GALNT13: variants seen among roughly 807,000 people sequenced by gnomAD.
The protein encoded by GALNT13 is UDP-GalNAc:polypeptide N-acetylgalactosaminyltransferase 13.
A neutral mutation model predicts 64.2 loss-of-function variants in GALNT13; 28 were observed. That is an observed-to-expected ratio of 0.44 (90% CI 0.32 to 0.60). The LOEUF is 0.60. Ranked by LOEUF, GALNT13 falls within the 20% of genes least tolerant of loss-of-function variation. The probability of loss-of-function intolerance (pLI) is 0.05; values close to 1 mark genes in which losing one functional copy is unlikely to be tolerated. For synonymous variants in GALNT13, 214 were observed against 224.6 expected, an observed-to-expected ratio of 0.95 and a Z score of 0.42; for missense variants, 577 against 669.8, an observed-to-expected ratio of 0.86 and a Z score of 1.53.
chr2:153,525,296 TC>T, the GALNT13 span, among the ~76,000 whole-genome samples: 1 of 152,154 alleles, frequency 6.6e-6, no homozygotes, highest in Non-Finnish European at 1.5e-5. Flanking sequence ...CTTACTGGCT[TC>T]AGGTGAGACT....
At chr2:153,246,135 A>T in the GALNT13 span, among the ~76,000 whole-genome samples, 12 of 152,300 alleles carry the variant, frequency 7.9e-5, no homozygotes, top group Admixed American at 7.8e-4. Context: ...GCCTCCAAGA[A>T]ATATGGGACT....
chr2:153,530,622 A>T, the GALNT13 span, among the ~76,000 whole-genome samples: 1 of 152,140 alleles, frequency 6.6e-6, no homozygotes, highest in Non-Finnish European at 1.5e-5. Flanking sequence ...TTCAAATTAT[A>T]CTATGGAGTT....
At chr2:153,936,907 C>T (rs1036601908) in intron 2 of GALNT13, among the ~76,000 whole-genome samples, 10 of 151,660 alleles carry the variant, frequency 6.6e-5, no homozygotes, top group Admixed American at 3.3e-4. Context: ...TTTGTAGAGA[C>T]GGGGTTTCAC....
At chr2:153,761,312 T>C in the GALNT13 span, 1 of 152,184 alleles carries the variant, frequency 6.6e-6, no homozygotes, top group East Asian at 1.9e-4. Context: ...TTACTTATTA[T>C]TTAATTTTAA....
chr2:153,719,120 G>A, the GALNT13 span, among the ~76,000 whole-genome samples: 2 of 152,048 alleles, frequency 1.3e-5, no homozygotes, highest in African/African-American at 4.8e-5. Flanking sequence ...CATATTTAAT[G>A]TTGATACTGT....
intron 8 of GALNT13, among the ~76,000 whole-genome samples, chr2:154,277,684 C>T (rs956275403): frequency 4.6e-5 from 7 of 152,072 alleles, no homozygotes; most frequent in Non-Finnish European, 8.8e-5. Context: ...AGTACCAATA[C>T]GTAATTACTA....
At chr2:153,179,203 T>C in the GALNT13 span, among the ~76,000 whole-genome samples, 2 of 152,206 alleles carry the variant, frequency 1.3e-5, no homozygotes, top group East Asian at 3.8e-4. Context: ...CCACATTGAC[T>C]TGATTTAAGT....
chr2:153,994,119 A>G (rs1444122910), intron 3 of GALNT13, among the ~76,000 whole-genome samples: 1 of 151,866 alleles, frequency 6.6e-6, no homozygotes, highest in Non-Finnish European at 1.5e-5. Flanking sequence ...CCTGTGTCCA[A>G]GTGTTCTCAT....
chr2:153,719,614 C>A, the GALNT13 span, among the ~76,000 whole-genome samples: 2 of 152,110 alleles, frequency 1.3e-5, no homozygotes, highest in African/African-American at 4.8e-5. Flanking sequence ...GCACCGTGCA[C>A]GAGCCGAAGC....
chr2:153,533,729 T>TTC, the GALNT13 span, among the ~76,000 whole-genome samples: 3 of 103,856 alleles, frequency 2.9e-5, no homozygotes, highest in African/African-American at 1.1e-4. Context: ...TTTTCTTTTT[T>TTC]TTTTTTTTTT....
rs374580860 is a variant in GALNT13 at position 154,036,881 on chromosome 2, T to C, written c.142+92242T>C. 3.6e-4 allele frequency among the ~76,000 whole-genome samples: 55 copies of C among 152,238 alleles called. 1 individual carries two copies. In the South Asian group the frequency reaches 0.011, roughly 32 times the overall value. The stretch of plus-strand genomic sequence containing the variant: ...CCAAGGAATTCTGATTAAAAATTTA[T>C]TGTATGTACATTGGATATCTGTATT... On this transcript the variant is annotated intron_variant, in intron 3 of 12. Coordinates refer to ENST00000392825, the MANE Select transcript of GALNT13 (RefSeq NM_052917.4).
At chr2:153,879,388 G>T (rs189925208) in intron 1 of GALNT13, among the ~76,000 whole-genome samples, 77 of 151,952 alleles carry the variant, frequency 5.1e-4, no homozygotes, top group African/African-American at 1.8e-3. Context: ...GTGTGCATGT[G>T]TGTGTGTGTT....
intron 2 of GALNT13, among the ~76,000 whole-genome samples, chr2:153,923,710 GC>G (rs1426622306): frequency 8.5e-6 from 1 of 117,678 alleles, no homozygotes; most frequent in Non-Finnish European, 1.7e-5. Flanking sequence ...CCCACAACAG[GC>G]CCCCATGTGT....
chr2:153,378,977 T>C, the GALNT13 span, among the ~76,000 whole-genome samples: 1 of 152,094 alleles, frequency 6.6e-6, no homozygotes, highest in East Asian at 1.9e-4. Context: ...CCATATTCCC[T>C]CAAGGGCTCA....
At chr2:154,313,244 ATG>A (rs1284803112) in intron 9 of GALNT13, among the ~76,000 whole-genome samples, 1 of 148,612 alleles carries the variant, frequency 6.7e-6, no homozygotes, top group Non-Finnish European at 1.5e-5. Flanking sequence ...ATTTATGCAT[ATG>A]TATATATATA....
At chr2:153,462,377 G>T in the GALNT13 span, among the ~76,000 whole-genome samples, 10 of 151,970 alleles carry the variant, frequency 6.6e-5, no homozygotes, top group African/African-American at 2.4e-4. Context: ...TAAATAAAAA[G>T]AATATTGTCC....
chr2:153,544,422 C>T, the GALNT13 span, among the ~76,000 whole-genome samples: 1 of 152,160 alleles, frequency 6.6e-6, no homozygotes, highest in Admixed American at 6.5e-5. Context: ...GATCATAATA[C>T]AAGCATTGCA....
chr2:153,835,008 C>T, the GALNT13 span, among the ~76,000 whole-genome samples: 184 of 151,924 alleles, frequency 1.2e-3, 1 homozygote, highest in African/African-American at 4.2e-3. Context: ...AAAAGACACG[C>T]GAAGAAAAAT....
chr2:154,312,998 C>T lies in GALNT13; in HGVS notation c.1156+11409C>T, dbSNP rs558144525. Among the ~76,000 whole-genome samples the T allele has an allele frequency of 5.1e-4, 77 of 151,772 alleles. No individual in the cohort carries two copies. In the South Asian group the frequency reaches 6.4e-3, roughly 13 times the overall value. ...TCATGAAATAGAACTAATAAGCAGA[C>T]GGTATAAATATTATTTGTTGAATAT... On this transcript the variant is annotated intron_variant, in intron 9 of 12. Transcript: ENST00000392825.
Sources: allele counts gnomAD v4.1 joint callset (sites outside exome capture counted in the v4.1 genomes callset), GRCh38; gene constraint gnomAD v4.1.1; transcripts MANE v1.5; gene names NCBI Gene and HGNC (gene_info 2026-07-23, HGNC 2026-07-21).